The following FAM227B variants were observed in gnomAD, a reference collection of about 807,000 sequenced individuals.
The protein encoded by FAM227B is protein FAM227B.
FAM227B carries 88 observed loss-of-function variants against 73.8 expected under a neutral mutation model. The observed-to-expected ratio is 1.19, with a 90% CI of 1.00 to 1.42. The LOEUF is 1.42. Among genes scored for constraint, FAM227B ranks in the 40% most tolerant of loss-of-function variants. FAM227B has a pLI of 0.00. For synonymous variants in FAM227B, 210 were observed against 190.5 expected (o/e 1.10, Z -0.84); for missense variants, 632 against 590.9 (o/e 1.07, Z -0.72).
At chr15:49,389,468 T>C (rs895840254) in intron 11 of FAM227B, among the ~76,000 whole-genome samples, 1 of 151,828 alleles carries the variant, frequency 6.6e-6, no homozygotes, top group Non-Finnish European at 1.5e-5. Flanking sequence ...ATATAATAGA[T>C]TTTAGAGACT....
At chr15:49,576,718 A>G in intron 7 of FAM227B, 23 bp downstream of exon 7, 3 of 1,284,196 alleles carry the variant, frequency 2.3e-6, no homozygotes, top group Middle Eastern at 4.3e-4. Context: ...TGTATCCTAC[A>G]ATAAAATGAA....
intron 10 of FAM227B, among the ~76,000 whole-genome samples, chr15:49,512,854 T>A (rs894757250): frequency 3.3e-5 from 5 of 152,170 alleles, no homozygotes; most frequent in Admixed American, 2.6e-4. Context: ...ATGAGTTGCT[T>A]GGTTTTCTAT....
At position 49,589,990 on chromosome 15, in the gene FAM227B, T is replaced by A; in HGVS notation, c.123A>T (p.Glu41Asp). The A allele has an allele frequency of 1.3e-6, 2 of 1,595,742 alleles. No homozygotes were observed. Among genetic ancestry groups the A allele is most frequent in the Non-Finnish European group, 1.7e-6 (2 of 1,164,464 alleles). ...KFQNWDYWPR[E>D]IHFRDDDKWS... ...ATTTATCATCATCTCTAAAATGGAT[T>A]TCCCTTGGCCAATAATCCTGCAAAA... is the stretch of plus-strand genomic sequence containing the variant. The change falls in exon 4 of 16, where the codon GAA becomes GAT. Residue 41 changes from glutamate (E) to aspartate (D), a missense_variant. Physicochemically the swap from Glu to Asp is conservative, Grantham distance 45. Coordinates refer to ENST00000299338, the MANE Select transcript of FAM227B (RefSeq NM_152647.3).
intron 13 of FAM227B, among the ~76,000 whole-genome samples, chr15:49,342,294 T>C (rs1474225201): frequency 6.6e-6 from 1 of 152,168 alleles, no homozygotes; most frequent in Non-Finnish European, 1.5e-5. Flanking sequence ...CCCTTTGTCT[T>C]TTTTTGACTG....
chr15:49,522,091 C>T lies in FAM227B; in HGVS notation c.875-13743G>A, dbSNP rs551253446. Reference sequence around the variant, plus strand: ...TAAGACATCCACACTCTCAGCCACACAGAAGACAGTGAGTCAGTTCATACA... The same window carrying T: ...TAAGACATCCACACTCTCAGCCACATAGAAGACAGTGAGTCAGTTCATACA... On this transcript the variant is annotated intron_variant, in intron 10 of 15. Transcript: ENST00000299338. Among the ~76,000 whole-genome samples, 142 of 152,266 alleles carry T rather than the reference C, an allele frequency of 9.3e-4. 5 individuals carry two copies. In the South Asian group the frequency reaches 0.026, roughly 28 times the overall value.
At chr15:49,435,229 A>G (rs1009470700) in intron 11 of FAM227B, among the ~76,000 whole-genome samples, 3 of 151,636 alleles carry the variant, frequency 2.0e-5, no homozygotes, top group Non-Finnish European at 4.4e-5. Context: ...TTGACAAATA[A>G]TCACTGTAAA....
chr15:49,385,461 G>A (rs2046820027), intron 11 of FAM227B, among the ~76,000 whole-genome samples: 2 of 151,706 alleles, frequency 1.3e-5, no homozygotes, highest in African/African-American at 2.4e-5. Flanking sequence ...CTGGCATATT[G>A]TAAAGGTTGT....
chr15:49,355,586 T>C (rs963535656), intron 13 of FAM227B, among the ~76,000 whole-genome samples: 1 of 152,104 alleles, frequency 6.6e-6, no homozygotes, highest in Non-Finnish European at 1.5e-5. Context: ...AATATGGGGC[T>C]ATGTGAAAAG....
intron 3 of FAM227B, 109 bp from the exon 4 acceptor site, chr15:49,590,116 T>C: frequency 1.6e-6 from 1 of 632,426 alleles, no homozygotes; most frequent in South Asian, 2.0e-5. Flanking sequence ...CACAGCATTG[T>C]TTTTTATCAC....
chr15:49,619,983 A>G (rs115183259), intron 1 of FAM227B, among the ~76,000 whole-genome samples: 1,673 of 152,328 alleles, frequency 0.011, 33 homozygotes, highest in African/African-American at 0.039. Context: ...ACATGCGCTG[A>G]TATTTCCAAT....
At position 49,611,246 on chromosome 15, in the gene FAM227B, C is replaced by T; in HGVS notation, c.74G>A (p.Ser25Asn). 1 of 1,593,306 alleles carries T rather than the reference C, an allele frequency of 6.3e-7. No individual in the cohort carries two copies. Residue 25 changes from serine to asparagine, a missense_variant, in exon 3 of 16, where the codon AGC (serine) becomes AAC (asparagine). Transcript: ENST00000299338. ...GPGKMQEPPKSIEEFLKFQNW... is the reference protein window; with the variant it reads ...GPGKMQEPPKNIEEFLKFQNW... ...TTGAAACTTTAAGAATTCTTCAATG[C>T]TCTTTGGAGGTTCTTGCATTTTCTA... is the stretch of plus-strand genomic sequence containing the variant.
intron 9 of FAM227B, among the ~76,000 whole-genome samples, chr15:49,558,671 G>C (rs1463972698): frequency 6.6e-6 from 1 of 152,062 alleles, no homozygotes; most frequent in Non-Finnish European, 1.5e-5. Flanking sequence ...CAGTGACCCA[G>C]GGACCAACCC....
rs933780434 is a variant in FAM227B at position 49,541,915 on chromosome 15, G to A, written c.748-109C>T. On this transcript the variant is annotated intron_variant, in intron 9 of 15. Coordinates refer to ENST00000299338, the MANE Select transcript of FAM227B (RefSeq NM_152647.3). ...AAATTTGCCTTGCAATTTATTAACC[G>A]AATAAAAATTCGCCATTTTTTAAAT... 1.0e-5 allele frequency: 9 copies of A among 900,718 alleles called. No homozygotes were observed. The East Asian group carries it at 1.0e-4, about 10-fold the overall frequency. The allele number at this position is 900,718 out of a possible 1,614,324, so 55.8% of individuals were successfully genotyped here.
At chr15:49,537,964 G>A (rs1028668228) in intron 10 of FAM227B, among the ~76,000 whole-genome samples, 1 of 152,144 alleles carries the variant, frequency 6.6e-6, no homozygotes, top group Non-Finnish European at 1.5e-5. Flanking sequence ...GGCTATGAAG[G>A]AGCAGACATG....
chr15:49,424,201 T>C, intron 11 of FAM227B: 1 of 1,099,154 alleles, frequency 9.1e-7, no homozygotes, highest in Non-Finnish European at 1.3e-6. Context: ...CAATCTACAA[T>C]TCACAGATAG....
At chr15:49,411,581 T>A (rs775802020) in intron 11 of FAM227B, among the ~76,000 whole-genome samples, 3 of 152,004 alleles carry the variant, frequency 2.0e-5, no homozygotes, top group Admixed American at 2.0e-4. Context: ...AAAGGATGAG[T>A]ACATATAAAA....
intron 11 of FAM227B, among the ~76,000 whole-genome samples, chr15:49,503,549 ACT>A (rs1004458784): frequency 2.0e-5 from 3 of 152,184 alleles, no homozygotes; most frequent in African/African-American, 7.2e-5. Context: ...TAATATCCAG[ACT>A]CTACAAAGAA....
At chr15:49,612,958 A>G (rs900430690) in intron 2 of FAM227B, among the ~76,000 whole-genome samples, 6 of 152,180 alleles carry the variant, frequency 3.9e-5, no homozygotes, top group Non-Finnish European at 8.8e-5. Flanking sequence ...AAATTAAACA[A>G]TTGAACTCAT....
At chr15:49,503,008 T>C (rs1353081688) in intron 11 of FAM227B, among the ~76,000 whole-genome samples, 1 of 152,198 alleles carries the variant, frequency 6.6e-6, no homozygotes, top group Admixed American at 6.5e-5. Context: ...GGCATCACGT[T>C]ACCTGACTTC....
Sources: gnomAD v4.1 joint callset for allele counts (sites outside exome capture counted in the v4.1 genomes callset) on GRCh38, gnomAD v4.1.1 for gene constraint, MANE v1.5 for transcripts, NCBI Gene and HGNC (gene_info 2026-07-23, HGNC 2026-07-21) for gene names.